The following ASF1A variants were observed in gnomAD, a reference collection of about 807,000 sequenced individuals.
The protein encoded by ASF1A is anti-silencing function 1A histone chaperone.
ASF1A carries 5 observed loss-of-function variants against 22.0 expected under a neutral mutation model. The observed-to-expected ratio is 0.23, with a 90% CI of 0.12 to 0.48. The LOEUF is 0.48. ASF1A is among the 20% of genes least tolerant of loss of function. ASF1A has a pLI of 0.99. For synonymous variants in ASF1A, 97 were observed against 86.7 expected (o/e 1.12, Z -0.66); for missense variants, 137 against 240.6 (o/e 0.57, Z 2.85).
rs1780290150 is a variant in ASF1A at position 118,908,037 on chromosome 6, T to C, written c.*423T>C. 1 of 154,746 alleles carries C rather than the reference T, an allele frequency of 6.5e-6. No homozygotes were observed. The highest frequency in any genetic ancestry group is 2.4e-5 in the African/African-American group (1 of 41,482). 9.6% of individuals were successfully genotyped at this position (154,746 alleles called of 1,614,324 possible). On this transcript the variant is annotated 3_prime_UTR_variant, in exon 4 of 4. Coordinates refer to ENST00000229595, the MANE Select transcript of ASF1A (RefSeq NM_014034.3). ...TTTCTTCCTGTGAAGACATATGGTATCATTTTAATTTAAGGGGCAGATTTC... is the reference window on the plus strand; with the variant it reads ...TTTCTTCCTGTGAAGACATATGGTACCATTTTAATTTAAGGGGCAGATTTC...
intron 2 of ASF1A, among the ~76,000 whole-genome samples, chr6:118,905,203 A>G (rs1001908081): frequency 1.3e-5 from 2 of 152,214 alleles, no homozygotes; most frequent in East Asian, 1.9e-4. Context: ...GTATGAGAAT[A>G]TAAGTATCCT....
chr6:118,901,418 A>G (rs1779792333), intron 2 of ASF1A, among the ~76,000 whole-genome samples: 1 of 152,182 alleles, frequency 6.6e-6, no homozygotes, highest in African/African-American at 2.4e-5. Flanking sequence ...CATTGGAATG[A>G]CATTCCAGAG....
Position 118,894,265 on chromosome 6 carries a change from A to C in ASF1A, c.-149A>C, listed in dbSNP as rs1779183561. On this transcript the variant is annotated 5_prime_UTR_variant, in exon 1 of 4. Coordinates refer to ENST00000229595, the MANE Select transcript of ASF1A (RefSeq NM_014034.3). ...CACTGTGGAGTGCTCCCGTGTAAATAAAAAGAGGAAAAAAGTTTCTCAAGT... is the reference window on the plus strand; with the variant it reads ...CACTGTGGAGTGCTCCCGTGTAAATCAAAAGAGGAAAAAAGTTTCTCAAGT... The C allele has an allele frequency of 6.9e-7, 1 of 1,457,832 alleles. No individual in the cohort carries two copies. Among genetic ancestry groups the C allele is most frequent in the African/African-American group, 1.4e-5 (1 of 70,074 alleles). 90.3% of individuals were successfully genotyped at this position (1,457,832 alleles called of 1,614,324 possible). A position where few individuals can be genotyped will look rare whatever the true frequency, so the allele number is the denominator to read the frequency against.
chr6:118,900,621 G>A (rs913877573), intron 1 of ASF1A, 145 bp from the exon 2 acceptor site: 1 of 632,852 alleles, frequency 1.6e-6, no homozygotes, highest in African/African-American at 1.8e-5. Context: ...AACTTTATAA[G>A]GAGCATTTCA....
In ASF1A at chr6:118,895,565, C is replaced by T. The variant is rs9401092; in HGVS notation, c.109+1043C>T. ...TAGGCTAGGAAATTAAGGTCAACTC[C>T]TCATGTCAGTCCAAGAATTCTTGGT... On this transcript the variant is annotated intron_variant, in intron 1 of 3. Coordinates refer to ENST00000229595, the MANE Select transcript of ASF1A (RefSeq NM_014034.3). 3.9e-3 allele frequency among the ~76,000 whole-genome samples: 592 copies of T among 152,198 alleles called. 11 individuals carry two copies. The East Asian group carries it at 0.042, about 11-fold the overall frequency.
intron 1 of ASF1A, among the ~76,000 whole-genome samples, chr6:118,898,057 T>C (rs1779554311): frequency 1.3e-5 from 2 of 152,206 alleles, no homozygotes; most frequent in Admixed American, 1.3e-4. Context: ...AGAAAGAATT[T>C]ATCTTCCCAG....
At chr6:118,907,367 G>A (rs1348652897) in intron 3 of ASF1A, 35 bp from the exon 4 acceptor site, 1 of 1,437,552 alleles carries the variant, frequency 7.0e-7, no homozygotes, top group Non-Finnish European at 9.6e-7. Context: ...AACTTTCTTA[G>A]TGTTTACCAT....
chr6:118,894,609 T>TGTGTTCGGCGCCTGGCGGCC, intron 1 of ASF1A, 87 bp downstream of exon 1: 1 of 1,192,576 alleles, frequency 8.4e-7, no homozygotes, highest in Non-Finnish European at 1.2e-6. Context: ...GCTGGGCGGC[T>TGTGTTCGGCGCCTGGCGGCC]GTGTTCGGCG....
chr6:118,894,391 ATTG>A lies in ASF1A; in HGVS notation c.-20_-18del. ...TGTGCCGCAACCAGCCCCAGTTCCCATTGTTTGTGTTTTTTTCAAAATATGGCA... is the reference window on the plus strand; with the variant it reads ...TGTGCCGCAACCAGCCCCAGTTCCCATTTGTGTTTTTTTCAAAATATGGCA... On this transcript the variant is annotated 5_prime_UTR_variant, in exon 1 of 4. Coordinates refer to ENST00000229595, the MANE Select transcript of ASF1A (RefSeq NM_014034.3). 6.5e-7 allele frequency: 1 copy of A among 1,536,326 alleles called. No individual in the cohort carries two copies. Among genetic ancestry groups the A allele is most frequent in the Non-Finnish European group, 8.7e-7 (1 of 1,146,564 alleles).
rs1405469354 is a variant in ASF1A, at chr6:118,907,945, C to T, written c.*331C>T. On this transcript the variant is annotated 3_prime_UTR_variant, in exon 4 of 4. Coordinates refer to ENST00000229595, the MANE Select transcript of ASF1A (RefSeq NM_014034.3). ...CCAGGTTGTAAAGATGTCTTGGCCT[C>T]CCAGACAGTCTTTGGACCACTATTT... The T allele has an allele frequency of 1.6e-5, 3 of 186,248 alleles. No individual in the cohort carries two copies. The highest frequency in any genetic ancestry group is 1.4e-4 in the East Asian group (1 of 7,352). The allele number at this position is 186,248 out of a possible 1,614,324, so 11.5% of individuals were successfully genotyped here.
At chr6:118,897,566 C>T (rs974687198) in intron 1 of ASF1A, among the ~76,000 whole-genome samples, 8 of 152,134 alleles carry the variant, frequency 5.3e-5, no homozygotes, top group African/African-American at 1.9e-4. Context: ...TACATACTTT[C>T]CACTAGACCA....
At chr6:118,906,298 C>T (rs1416115756) in intron 3 of ASF1A, among the ~76,000 whole-genome samples, 1 of 152,110 alleles carries the variant, frequency 6.6e-6, no homozygotes, top group African/African-American at 2.4e-5. Flanking sequence ...GTCTCCAACT[C>T]CTGACCTCAA....
At chr6:118,905,352 T>C (rs1490463681) in intron 2 of ASF1A, among the ~76,000 whole-genome samples, 2 of 83,180 alleles carry the variant, frequency 2.4e-5, no homozygotes, top group Non-Finnish European at 4.6e-5. Context: ...GGTTTTATAA[T>C]GAATAGTGTA....
At chr6:118,902,771 T>A (rs1779893122) in intron 2 of ASF1A, among the ~76,000 whole-genome samples, 1 of 152,214 alleles carries the variant, frequency 6.6e-6, no homozygotes, top group Non-Finnish European at 1.5e-5. Context: ...ATATTCAGCC[T>A]AAAGGTTTTA....
chr6:118,896,235 C>T (rs952801433), intron 1 of ASF1A, among the ~76,000 whole-genome samples: 1 of 152,034 alleles, frequency 6.6e-6, no homozygotes, highest in African/African-American at 2.4e-5. Context: ...ATTGCAGCTA[C>T]CAGGCCCATT....
chr6:118,901,625 T>C (rs1446967497), intron 2 of ASF1A, among the ~76,000 whole-genome samples: 3 of 152,216 alleles, frequency 2.0e-5, no homozygotes, highest in Non-Finnish European at 4.4e-5. Flanking sequence ...TTTTAATCCA[T>C]GTTAAATTGC....
rs1780281628 is a variant in ASF1A at position 118,907,886 on chromosome 6, T to C, written c.*272T>C. 4 of 275,852 alleles carry C rather than the reference T, an allele frequency of 1.5e-5. No individual in the cohort carries two copies. In the South Asian group the frequency reaches 1.9e-4, roughly 13 times the overall value. 17.1% of individuals were successfully genotyped at this position (275,852 alleles called of 1,614,324 possible). A position where few individuals can be genotyped will look rare whatever the true frequency, so the allele number is the denominator to read the frequency against. The stretch of plus-strand genomic sequence containing the variant: ...TTATTTTCTTCTCCTTTATATGTAA[T>C]GAAAGCACTTATAAAGAAACAGGAA... On this transcript the variant is annotated 3_prime_UTR_variant, in exon 4 of 4. Transcript: ENST00000229595.
At position 118,907,409 on chromosome 6, in the gene ASF1A, G is replaced by C; in HGVS notation, c.410G>C (p.Arg137Thr). 1 of 1,595,268 alleles carries C rather than the reference G, an allele frequency of 6.3e-7. No homozygotes were observed. The highest frequency in any genetic ancestry group is 8.6e-7 in the Non-Finnish European group (1 of 1,169,310). The change falls in exon 4 of 4, where the codon AGG (arginine) becomes ACG (threonine). Residue 137 changes from arginine (R) to threonine (T), a missense_variant. By Grantham distance (71) the Arg-to-Thr change is moderately conservative. Transcript: ENST00000229595. ...GTTTCCTTTTTCCTCTAGCTTCAAA[G>C]GAATATTTTGGCATCTAATCCCAGG... ...PVKPDFSKLQ[R>T]NILASNPRVT...
intron 2 of ASF1A, among the ~76,000 whole-genome samples, chr6:118,904,284 G>A (rs996992002): frequency 6.6e-6 from 1 of 152,190 alleles, no homozygotes; most frequent in African/African-American, 2.4e-5. Context: ...GAGGTTTTTA[G>A]CCTAGGACAC....
Sources: allele counts gnomAD v4.1 joint callset (sites outside exome capture counted in the v4.1 genomes callset), GRCh38; gene constraint gnomAD v4.1.1; transcripts MANE v1.5; gene names NCBI Gene and HGNC (gene_info 2026-07-23, HGNC 2026-07-21).